MSANTD2: variants seen among roughly 807,000 people sequenced by gnomAD.
MSANTD2 encodes the protein myb/SANT-like DNA-binding domain-containing protein 2.
A neutral mutation model predicts 52.6 loss-of-function variants in MSANTD2; 19 were observed. That is an observed-to-expected ratio of 0.36 (90% CI 0.25 to 0.53). MSANTD2 has a LOEUF of 0.53. MSANTD2 is among the 20% of genes least tolerant of loss of function. The probability of loss-of-function intolerance (pLI) is 0.91; values close to 1 mark genes in which losing one functional copy is unlikely to be tolerated. For synonymous variants in MSANTD2, 291 were observed against 289.7 expected, an observed-to-expected ratio of 1.00 and a Z score of -0.04; for missense variants, 558 against 716.3, an observed-to-expected ratio of 0.78 and a Z score of 2.52.
chr11:124,784,594 CTG>C (rs1368196163), intron 1 of MSANTD2: 3 of 985,330 alleles, frequency 3.0e-6, no homozygotes, highest in South Asian at 4.7e-5. Context: ...AAAAGGGAGA[CTG>C]TGCAGAGCAG....
At chr11:124,791,422 A>AGTGAGAAGC in intron 1 of MSANTD2, 1 of 1,329,640 alleles carries the variant, frequency 7.5e-7, no homozygotes, top group South Asian at 1.2e-5. Context: ...GTACAGGGTG[A>AGTGAGAAGC]GTGAGAAGCA....
chr11:124,783,212 G>A (rs1377446085), intron 1 of MSANTD2, among the ~76,000 whole-genome samples: 1 of 152,180 alleles, frequency 6.6e-6, no homozygotes, highest in African/African-American at 2.4e-5. Context: ...GTCCAGGACT[G>A]AATCCTATCA....
chr11:124,768,773 G>A (rs891991664), intron 3 of MSANTD2, among the ~76,000 whole-genome samples: 1 of 152,104 alleles, frequency 6.6e-6, no homozygotes, highest in African/African-American at 2.4e-5. Flanking sequence ...GACTGTTCTA[G>A]AAAACCCTTT....
At chr11:124,772,533 C>A (rs189806804) in intron 3 of MSANTD2, among the ~76,000 whole-genome samples, 1 of 151,978 alleles carries the variant, frequency 6.6e-6, no homozygotes, top group Non-Finnish European at 1.5e-5. Context: ...GTCAGGAGAT[C>A]GAGATAATCC....
At chr11:124,784,163 A>G in intron 1 of MSANTD2, 1 of 985,368 alleles carries the variant, frequency 1.0e-6, no homozygotes, top group Non-Finnish European at 1.2e-6. Context: ...AAGGGAAAAA[A>G]AAAAAATCAG....
chr11:124,768,057 C>T (rs772427025), intron 3 of MSANTD2, 29 bp from the exon 4 acceptor site: 2 of 1,577,322 alleles, frequency 1.3e-6, no homozygotes, highest in Admixed American at 3.5e-5. Flanking sequence ...GTCAAATTCC[C>T]TAAGTATCTA....
In MSANTD2 at chr11:124,767,286, TG is replaced by T; in HGVS notation, c.1569del (p.Lys524AsnfsTer8). The T allele has an allele frequency of 6.2e-7, 1 of 1,614,170 alleles. No individual in the cohort carries two copies. Among genetic ancestry groups the T allele is most frequent in the Non-Finnish European group, 8.5e-7 (1 of 1,180,020 alleles). On this transcript the variant is annotated frameshift_variant, in exon 4 of 4. Coordinates refer to ENST00000374979, the MANE Select transcript of MSANTD2 (RefSeq NM_001308027.2). LOFTEE classifies it high-confidence loss of function. This position sits in a 1 kb window ranked among gnomAD's most constrained non-coding sequence, Gnocchi z 6.5. ...TCTACAAATTTGATGTAGATGGATT[TG>T]GGGGAAACTCCGGGATCCACAATAC... ...QNCIVDPGVS[P>X]KSIYIKFVEV...
At chr11:124,773,720 T>C (rs1944629506) in intron 2 of MSANTD2, among the ~76,000 whole-genome samples, 1 of 152,230 alleles carries the variant, frequency 6.6e-6, no homozygotes, top group Admixed American at 6.5e-5. Context: ...TTAGTCCTTT[T>C]TCTTTGGAAT....
At chr11:124,775,152 C>T in intron 1 of MSANTD2, 178 bp from the exon 2 acceptor site, 1 of 575,198 alleles carries the variant, frequency 1.7e-6, no homozygotes, top group Non-Finnish European at 3.0e-6. Context: ...TTAGCATTTA[C>T]TCAAACATGT....
rs1944330266 is a variant in MSANTD2 at position 124,767,153 on chromosome 11, C to T, written c.*23G>A. 6.4e-7 allele frequency: 1 copy of T among 1,566,446 alleles called. No homozygotes were observed. Among genetic ancestry groups the T allele is most frequent in the South Asian group, 1.2e-5 (1 of 80,704 alleles). ...AGTAGAGAAGAAGGAGCTAAGAGCCCAAATCCTTATGAAGGATGACATTCA... is the reference window on the plus strand; with the variant it reads ...AGTAGAGAAGAAGGAGCTAAGAGCCTAAATCCTTATGAAGGATGACATTCA... On this transcript the variant is annotated 3_prime_UTR_variant, in exon 4 of 4. Transcript: ENST00000374979. This position sits in a 1 kb window ranked among gnomAD's most constrained non-coding sequence, Gnocchi z 6.5.
intron 1 of MSANTD2, among the ~76,000 whole-genome samples, chr11:124,795,529 A>G (rs903486087): frequency 1.3e-5 from 2 of 152,200 alleles, no homozygotes; most frequent in African/African-American, 4.8e-5. Context: ...CATCACACTT[A>G]TAGTCTGCTT....
intron 1 of MSANTD2, among the ~76,000 whole-genome samples, chr11:124,781,811 C>T (rs536164344): frequency 4.4e-4 from 67 of 152,122 alleles, no homozygotes; most frequent in Non-Finnish European, 8.8e-4. Context: ...CACCACCACG[C>T]TCGGCTAATT....
In MSANTD2 at chr11:124,800,251, G is replaced by T. The variant is rs552519503; in HGVS notation, c.130C>A (p.Pro44Thr). The change falls in exon 1 of 4, where the codon CCT becomes ACT. Residue 44 changes from proline (P) to threonine (T), a missense_variant. Pro to Thr is a conservative substitution (Grantham distance 38). Transcript: ENST00000374979. This position sits in a 1 kb window ranked among gnomAD's most constrained non-coding sequence, Gnocchi z 4.3. ...GGCCCGAGCGGGGAGGCACCCCGAG[G>T]CGTGGAAGGGTCGGACAGCGATGGA... ...GNPSLSDPST[P>T]RGASPLGPGS... 1.3e-6 allele frequency: 2 copies of T among 1,556,698 alleles called. No individual in the cohort carries two copies. The highest frequency in any genetic ancestry group is 1.7e-6 in the Non-Finnish European group (2 of 1,155,250).
intron 1 of MSANTD2, chr11:124,775,565 A>G (rs192870580): frequency 2.3e-4 from 35 of 152,918 alleles, no homozygotes; most frequent in African/African-American, 8.2e-4. Context: ...TTTAAAACAG[A>G]GGTCAAATCA....
At chr11:124,785,213 A>G (rs1201543255) in intron 1 of MSANTD2, among the ~76,000 whole-genome samples, 4 of 152,246 alleles carry the variant, frequency 2.6e-5, no homozygotes, top group Non-Finnish European at 2.9e-5. Flanking sequence ...TTTTCCTTAC[A>G]TGGCTCAACG....
intron 1 of MSANTD2, among the ~76,000 whole-genome samples, chr11:124,780,489 A>G (rs1430226917): frequency 6.6e-6 from 1 of 152,156 alleles, no homozygotes; most frequent in Non-Finnish European, 1.5e-5. Flanking sequence ...TTTATTCTTC[A>G]ATCTTTTGCT....
intron 1 of MSANTD2, among the ~76,000 whole-genome samples, chr11:124,785,335 G>C (rs536118443): frequency 1.3e-5 from 2 of 152,340 alleles, no homozygotes; most frequent in South Asian, 4.1e-4. Context: ...AATGTTAAAA[G>C]AGAGTGTCCC....
intron 1 of MSANTD2, among the ~76,000 whole-genome samples, chr11:124,795,170 T>G (rs1196561983): frequency 6.6e-6 from 1 of 152,170 alleles, no homozygotes; most frequent in East Asian, 1.9e-4. Context: ...TGAACCACCA[T>G]GCCCGGCCTC....
Position 124,800,157 on chromosome 11 carries a change from G to A in MSANTD2, c.224C>T (p.Ala75Val), listed in dbSNP as rs955002267. The change falls in exon 1 of 4, where the codon GCC becomes GTC. Residue 75 changes from alanine (A) to valine (V), a missense_variant. By Grantham distance (64) the Ala-to-Val change is moderately conservative. Coordinates refer to ENST00000374979, the MANE Select transcript of MSANTD2 (RefSeq NM_001308027.2). The surrounding 1 kb of genome is among the most constrained non-coding windows in gnomAD (Gnocchi z 4.3). ...GLGLGLGGRS[A>V]ASSSVSFSPG... ...GGAGAAGGAGACCGAGGACGAGGCG[G>A]CGCTGCGGCCCCCCAGCCCCAGCCC... 8 of 1,471,160 alleles carry A rather than the reference G, an allele frequency of 5.4e-6. No homozygotes were observed. The highest frequency in any genetic ancestry group is 1.5e-5 in the African/African-American group (1 of 67,110). 91.1% of individuals were successfully genotyped at this position (1,471,160 alleles called of 1,614,324 possible). A position where few individuals can be genotyped will look rare whatever the true frequency, so the allele number is the denominator to read the frequency against.
Sources: allele counts gnomAD v4.1 joint callset (sites outside exome capture counted in the v4.1 genomes callset), GRCh38; gene constraint gnomAD v4.1.1; non-coding constraint Gnocchi (gnomAD v3.1); transcripts MANE v1.5; gene names NCBI Gene and HGNC (gene_info 2026-07-23, HGNC 2026-07-21).